PCDHA6: variants seen among roughly 807,000 people sequenced by gnomAD.
PCDHA6 encodes protocadherin alpha-6.
A neutral mutation model predicts 60.3 loss-of-function variants in PCDHA6; 55 were observed. That is an observed-to-expected ratio of 0.91 (90% CI 0.73 to 1.14). PCDHA6 has a LOEUF of 1.14. PCDHA6 is among the 50% of genes most tolerant of loss of function. PCDHA6 has a pLI of 0.00. For missense variants in PCDHA6, 1,327 were observed against 1,256.5 expected, an observed-to-expected ratio of 1.06 and a Z score of -0.85; for synonymous variants, 652 against 557.9, an observed-to-expected ratio of 1.17 and a Z score of -2.38.
chr5:140,987,263 G>C (rs1034230893), intron 3 of PCDHA6, among the ~76,000 whole-genome samples: 14 of 151,908 alleles, frequency 9.2e-5, no homozygotes, highest in Non-Finnish European at 1.8e-4. Context: ...CTCAGGAATG[G>C]GACCCGGCAG....
intron 1 of PCDHA6, among the ~76,000 whole-genome samples, chr5:140,956,484 A>G (rs868955895): frequency 1.3e-5 from 2 of 152,226 alleles, no homozygotes; most frequent in South Asian, 2.1e-4. Flanking sequence ...CCAGTCTTGC[A>G]TCCCAGGGAT....
intron 1 of PCDHA6, among the ~76,000 whole-genome samples, chr5:140,974,580 T>C (rs2153804250): frequency 6.6e-6 from 1 of 152,286 alleles, no homozygotes; most frequent in South Asian, 2.1e-4. Context: ...GGCATGATCT[T>C]GGCTCACTGC....
Position 141,010,037 on chromosome 5 carries a change from C to A in PCDHA6, c.*100C>A. The A allele has an allele frequency of 1.3e-6, 2 of 1,582,242 alleles. No individual in the cohort carries two copies. The highest frequency in any genetic ancestry group is 1.2e-5 in the South Asian group (1 of 84,630). On this transcript the variant is annotated 3_prime_UTR_variant, in exon 4 of 4. Transcript: ENST00000529310. ...GCTCCTTTTTCCTATCTACATGAGC[C>A]CTCTTAGAGACCTCAGAAATCTGCA...
chr5:140,927,155 G>A (rs2083907874), intron 1 of PCDHA6: 1 of 1,614,076 alleles, frequency 6.2e-7, no homozygotes, highest in Non-Finnish European at 8.5e-7. Flanking sequence ...CAGCTGTGCA[G>A]GGCCAAAGCT....
At chr5:140,885,930 A>AT (rs1188534786) in intron 1 of PCDHA6, among the ~76,000 whole-genome samples, 1 of 152,104 alleles carries the variant, frequency 6.6e-6, no homozygotes, top group African/African-American at 2.4e-5. Flanking sequence ...CTGTTTATCT[A>AT]TTTTTTGACA....
At position 140,968,158 on chromosome 5, in the gene PCDHA6, C is replaced by T. The variant is rs191279827; in HGVS notation, c.2395-10791C>T. The T allele has an allele frequency of 3.7e-6, 6 of 1,614,124 alleles. No individual in the cohort carries two copies. The African/African-American group carries it at 4.0e-5, about 11-fold the overall frequency. On this transcript the variant is annotated intron_variant, in intron 1 of 3. Transcript: ENST00000529310. ...AGGTTGAGATCTCTGACATCAATGA[C>T]AATCCACCAAGCTTCCTGGAGGACT...
intron 1 of PCDHA6, chr5:140,877,012 A>G: frequency 6.2e-7 from 1 of 1,612,352 alleles, no homozygotes; most frequent in Non-Finnish European, 8.5e-7. Flanking sequence ...GCACGCGGAG[A>G]GCGGCAAGGT....
At chr5:140,950,043 A>T (rs1011500100) in intron 1 of PCDHA6, among the ~76,000 whole-genome samples, 1 of 151,950 alleles carries the variant, frequency 6.6e-6, no homozygotes, top group Non-Finnish European at 1.5e-5. Flanking sequence ...TTACAACCAT[A>T]TAAGACTATT....
chr5:140,881,587 G>C (rs1025219392), intron 1 of PCDHA6, among the ~76,000 whole-genome samples: 2 of 152,186 alleles, frequency 1.3e-5, no homozygotes, highest in Non-Finnish European at 1.5e-5. Context: ...CACATTGAGG[G>C]AAATTTATTA....
Position 140,846,625 on chromosome 5 carries a change from C to T in PCDHA6, c.2394+16140C>T, listed in dbSNP as rs2150393112. 1.6e-3 allele frequency among the ~76,000 whole-genome samples: 241 copies of T among 149,122 alleles called. 15 individuals are homozygous for T. Among genetic ancestry groups the T allele is most frequent in the African/African-American group, 5.6e-3 (229 of 40,752 alleles). On this transcript the variant is annotated intron_variant, in intron 1 of 3. Coordinates refer to ENST00000529310, the MANE Select transcript of PCDHA6 (RefSeq NM_018909.4). ...TCCTGACCTCCTGATCCGCCCACTT[C>T]GGCCTCCTAAAGTGCTGGGATTACA...
chr5:140,946,611 A>AATATATATATATATATATAT lies in PCDHA6; in HGVS notation c.2395-32336_2395-32317dup, dbSNP rs1554217734. On this transcript the variant is annotated intron_variant, in intron 1 of 3. Transcript: ENST00000529310. ...GGATGAATAGATAAAGAAAATGTGA[A>AATATATATATATATATATAT]ATATATATATATATATATATACAAT... Among the ~76,000 whole-genome samples the AATATATATATATATATATAT allele has an allele frequency of 2.4e-3, 212 of 86,734 alleles. 8 individuals carry two copies. Among genetic ancestry groups the AATATATATATATATATATAT allele is most frequent in the Middle Eastern group, 0.011 (2 of 186 alleles). The allele number at this position is 86,734 out of a possible 152,430, so 56.9% of individuals were successfully genotyped here.
chr5:140,828,739 T>C lies in PCDHA6; in HGVS notation c.648T>C (p.Asp216=). The change falls in exon 1 of 4, where the codon GAT becomes GAC. Residue 216 remains aspartate (D), a synonymous_variant. Transcript: ENST00000529310. ...PAHNLFLTAT[D]GGKPELTGTV... ...ACAACTTATTCCTGACAGCCACAGATGGGGGCAAACCTGAGCTCACAGGCA... is the reference window on the plus strand; with the variant it reads ...ACAACTTATTCCTGACAGCCACAGACGGGGGCAAACCTGAGCTCACAGGCA... The C allele has an allele frequency of 1.2e-6, 2 of 1,614,220 alleles. No individual in the cohort carries two copies. Among genetic ancestry groups the C allele is most frequent in the Non-Finnish European group, 1.7e-6 (2 of 1,180,046 alleles).
intron 1 of PCDHA6, among the ~76,000 whole-genome samples, chr5:140,923,305 G>T (rs552769255): frequency 2.6e-5 from 4 of 152,186 alleles, no homozygotes; most frequent in Non-Finnish European, 5.9e-5. Context: ...GGGCGTGGGG[G>T]CGCTTGGCCT....
chr5:140,871,171 G>GCTGC (rs782249857), intron 1 of PCDHA6: 2 of 1,613,534 alleles, frequency 1.2e-6, no homozygotes, highest in Non-Finnish European at 1.7e-6. Flanking sequence ...GAGCCCAGAG[G>GCTGC]CTGCGCTGGT....
intron 1 of PCDHA6, among the ~76,000 whole-genome samples, chr5:140,960,597 C>G (rs1315375637): frequency 1.3e-5 from 2 of 152,092 alleles, no homozygotes; most frequent in Non-Finnish European, 2.9e-5. Flanking sequence ...ATTCAAGGTA[C>G]TTCAACAATA....
At chr5:140,894,469 C>T (rs183471525) in intron 1 of PCDHA6, among the ~76,000 whole-genome samples, 8 of 151,852 alleles carry the variant, frequency 5.3e-5, no homozygotes, top group Admixed American at 5.2e-4. Context: ...ACTTTTTATT[C>T]TTGTTTTCAT....
rs1414020840 is a variant in PCDHA6, at chr5:140,920,855, AAAAC to A, written c.2395-58085_2395-58082del. On this transcript the variant is annotated intron_variant, in intron 1 of 3. Transcript: ENST00000529310. ...AAGACCAAATCTAAAAAAAAAAAAA[AAAAC>A]AAACAAACTGTGGCCCTTAGAACTT... Among the ~76,000 whole-genome samples the A allele has an allele frequency of 3.9e-5, 6 of 152,094 alleles. No homozygotes were observed. The East Asian group carries it at 5.8e-4, about 15-fold the overall frequency.
chr5:140,989,403 G>A (rs1327699534), intron 3 of PCDHA6, among the ~76,000 whole-genome samples: 4 of 152,182 alleles, frequency 2.6e-5, no homozygotes, highest in African/African-American at 9.7e-5. Context: ...GGAGGGTGGA[G>A]AGTCTGCACT....
At chr5:140,988,989 G>C (rs981946293) in intron 3 of PCDHA6, 1 of 152,184 alleles carries the variant, frequency 6.6e-6, no homozygotes, top group Admixed American at 6.5e-5. Flanking sequence ...CTAATGCAGG[G>C]TAAGGAAATA....
Sources: allele counts gnomAD v4.1 joint callset (sites outside exome capture counted in the v4.1 genomes callset), GRCh38; gene constraint gnomAD v4.1.1; transcripts MANE v1.5; gene names NCBI Gene and HGNC (gene_info 2026-07-23, HGNC 2026-07-21).